The following ATP6V1C1 variants were observed in gnomAD, a reference collection of about 807,000 sequenced individuals.
ATP6V1C1 encodes the protein V-type proton ATPase subunit C 1.
Under a neutral mutation model 53.9 loss-of-function variants are expected in ATP6V1C1, and 45 were observed. The ratio of observed to expected loss-of-function variants is 0.83; its 90% confidence interval spans 0.66 to 1.07. The LOEUF (loss-of-function observed/expected upper bound fraction) is 1.07. ATP6V1C1 is among the 50% of genes least tolerant of loss of function. The probability of loss-of-function intolerance (pLI) is 0.00; values close to 1 mark genes in which losing one functional copy is unlikely to be tolerated. For missense variants in ATP6V1C1, 315 were observed against 440.3 expected (o/e 0.72, Z 2.55); for synonymous variants, 153 against 155.2 (o/e 0.99, Z 0.11).
At chr8:103,062,862 A>G in intron 8 of ATP6V1C1, 93 bp from the exon 9 acceptor site, 1 of 1,063,774 alleles carries the variant, frequency 9.4e-7, no homozygotes, top group Non-Finnish European at 1.4e-6. Flanking sequence ...ATTATACCCT[A>G]CTTTTCTCTT....
At chr8:103,049,410 C>T (rs1817160749) in intron 4 of ATP6V1C1, among the ~76,000 whole-genome samples, 1 of 152,172 alleles carries the variant, frequency 6.6e-6, no homozygotes, top group Non-Finnish European at 1.5e-5. Flanking sequence ...AGTGCCCCCT[C>T]AGTATGATTT....
intron 3 of ATP6V1C1, among the ~76,000 whole-genome samples, chr8:103,044,934 C>T (rs1817068598): frequency 6.6e-6 from 1 of 152,092 alleles, no homozygotes; most frequent in Non-Finnish European, 1.5e-5. Flanking sequence ...TTCTAAATTG[C>T]AGTTTTTATT....
chr8:103,050,650 C>G (rs918206978), intron 4 of ATP6V1C1, among the ~76,000 whole-genome samples: 1 of 152,070 alleles, frequency 6.6e-6, no homozygotes, highest in African/African-American at 2.4e-5. Flanking sequence ...TTTTAACAGA[C>G]AAGTTTATTT....
chr8:103,033,304 C>G (rs936505729), intron 1 of ATP6V1C1, among the ~76,000 whole-genome samples: 5 of 152,170 alleles, frequency 3.3e-5, no homozygotes, highest in African/African-American at 7.2e-5. Flanking sequence ...CAAACTCTTA[C>G]AATGGGTGCA....
chr8:103,046,412 A>G (rs1306254731), intron 3 of ATP6V1C1, among the ~76,000 whole-genome samples: 1 of 151,912 alleles, frequency 6.6e-6, no homozygotes, highest in Non-Finnish European at 1.5e-5. Context: ...GAGTCTTGCT[A>G]TGTTGCCCAG....
chr8:103,027,183 CCTT>C (rs1346340094), intron 1 of ATP6V1C1, among the ~76,000 whole-genome samples: 1 of 152,124 alleles, frequency 6.6e-6, no homozygotes, highest in Non-Finnish European at 1.5e-5. Flanking sequence ...CTGAGGTATG[CCTT>C]CTTGTGCTTC....
At chr8:103,062,525 G>C (rs1176991816) in intron 8 of ATP6V1C1, among the ~76,000 whole-genome samples, 1 of 152,082 alleles carries the variant, frequency 6.6e-6, no homozygotes, top group Non-Finnish European at 1.5e-5. Flanking sequence ...CAAGGTTTAA[G>C]GTACTGGCAA....
At chr8:103,067,598 C>CTTTT (rs764474136) in intron 12 of ATP6V1C1, among the ~76,000 whole-genome samples, 1 of 114,974 alleles carries the variant, frequency 8.7e-6, no homozygotes, top group African/African-American at 3.3e-5. Context: ...TTTTCTTTTT[C>CTTTT]TTTTTTTTTT....
intron 4 of ATP6V1C1, among the ~76,000 whole-genome samples, chr8:103,050,456 C>A (rs1386671444): frequency 6.6e-6 from 1 of 151,824 alleles, no homozygotes; most frequent in African/African-American, 2.4e-5. Context: ...GCCATAATTA[C>A]CATTTGGTTT....
intron 8 of ATP6V1C1, among the ~76,000 whole-genome samples, chr8:103,061,392 C>T (rs1260099231): frequency 6.6e-6 from 1 of 152,204 alleles, no homozygotes; most frequent in Non-Finnish European, 1.5e-5. Context: ...CCTGAATTTA[C>T]TTGGCTAAAC....
intron 8 of ATP6V1C1, among the ~76,000 whole-genome samples, chr8:103,062,509 A>G (rs1817420232): frequency 6.6e-6 from 1 of 152,138 alleles, no homozygotes; most frequent in Admixed American, 6.5e-5. Flanking sequence ...GAGCAAAGGA[A>G]AGATCCAAGG....
At chr8:103,048,224 G>C (rs533428867) in intron 3 of ATP6V1C1, among the ~76,000 whole-genome samples, 1 of 152,132 alleles carries the variant, frequency 6.6e-6, no homozygotes, top group Non-Finnish European at 1.5e-5. Context: ...ACTTGGTTTA[G>C]GTTGGTGCAA....
chr8:103,022,149 T>C (rs897007171), intron 1 of ATP6V1C1, among the ~76,000 whole-genome samples: 9 of 152,190 alleles, frequency 5.9e-5, no homozygotes, highest in African/African-American at 2.2e-4. Flanking sequence ...ACGACACATG[T>C]GTAAACTGGC....
intron 3 of ATP6V1C1, among the ~76,000 whole-genome samples, chr8:103,047,402 C>G (rs1254695492): frequency 2.5e-5 from 3 of 122,114 alleles, no homozygotes; most frequent in Non-Finnish European, 5.2e-5. Context: ...GTGAGACTCT[C>G]TCTTAAAAAA....
At chr8:103,043,975 GC>G (rs1563604437) in intron 3 of ATP6V1C1, among the ~76,000 whole-genome samples, 1 of 152,016 alleles carries the variant, frequency 6.6e-6, no homozygotes, top group African/African-American at 2.4e-5. Flanking sequence ...TGCAGCCTCC[GC>G]CTCCTGGGTT....
At chr8:103,067,532 T>G (rs1367427051) in intron 12 of ATP6V1C1, among the ~76,000 whole-genome samples, 1 of 151,120 alleles carries the variant, frequency 6.6e-6, no homozygotes, top group Non-Finnish European at 1.5e-5. Context: ...ATTAGAACTA[T>G]GAAAAATCAG....
At chr8:103,022,406 A>G (rs1054770859) in intron 1 of ATP6V1C1, among the ~76,000 whole-genome samples, 2 of 152,170 alleles carry the variant, frequency 1.3e-5, no homozygotes, top group Non-Finnish European at 2.9e-5. Context: ...GTAGTCGTTT[A>G]CTTATTCATG....
At chr8:103,051,207 TTTCAC>T in intron 5 of ATP6V1C1, 63 bp downstream of exon 5, 1 of 1,222,526 alleles carries the variant, frequency 8.2e-7, no homozygotes, top group East Asian at 2.5e-5. Flanking sequence ...TATTTTATAA[TTTCAC>T]TATGAAATAC....
At chr8:103,034,927 G>A (rs1816865714) in intron 1 of ATP6V1C1, among the ~76,000 whole-genome samples, 1 of 152,114 alleles carries the variant, frequency 6.6e-6, no homozygotes, top group Non-Finnish European at 1.5e-5. Flanking sequence ...AGCGGTCATA[G>A]TTTAAAAATG....
Sources: gnomAD v4.1 joint callset for allele counts (sites outside exome capture counted in the v4.1 genomes callset) on GRCh38, gnomAD v4.1.1 for gene constraint, MANE v1.5 for transcripts, NCBI Gene and HGNC (gene_info 2026-07-23, HGNC 2026-07-21) for gene names.